The following PDE3B variants were observed in gnomAD, a reference collection of about 807,000 sequenced individuals.
PDE3B encodes phosphodiesterase 3B.
Under a neutral mutation model 116.8 loss-of-function variants are expected in PDE3B, and 66 were observed. The observed-to-expected ratio is 0.56, with a 90% CI of 0.46 to 0.69. The LOEUF (loss-of-function observed/expected upper bound fraction) is 0.69. PDE3B is among the 30% of genes least tolerant of loss of function. The pLI, the probability that PDE3B is intolerant of heterozygous loss-of-function variation, is 0.00. For missense variants in PDE3B, 1,384 were observed against 1,368.1 expected (o/e 1.01, Z -0.18); for synonymous variants, 595 against 533.6 (o/e 1.12, Z -1.59).
At chr11:14,744,980 C>CT (rs1284793326) in intron 1 of PDE3B, among the ~76,000 whole-genome samples, 1 of 151,994 alleles carries the variant, frequency 6.6e-6, no homozygotes, top group Non-Finnish European at 1.5e-5. Context: ...GTGAAAATAG[C>CT]TTTTTTGTTT....
intron 1 of PDE3B, among the ~76,000 whole-genome samples, chr11:14,747,322 G>C (rs1230633515): frequency 6.6e-6 from 1 of 152,164 alleles, no homozygotes; most frequent in African/African-American, 2.4e-5. Context: ...TTTTGTTTCA[G>C]AGTGAATGAT....
chr11:14,787,484 T>C (rs1410925450), intron 3 of PDE3B, among the ~76,000 whole-genome samples: 2 of 151,968 alleles, frequency 1.3e-5, no homozygotes, highest in African/African-American at 4.8e-5. Flanking sequence ...TTATAGAACT[T>C]AGAAATAGGT....
At chr11:14,761,194 G>A (rs941925942) in intron 1 of PDE3B, among the ~76,000 whole-genome samples, 1 of 152,064 alleles carries the variant, frequency 6.6e-6, no homozygotes, top group African/African-American at 2.4e-5. Context: ...AATTCTAGTA[G>A]TACATTCATC....
intron 1 of PDE3B, among the ~76,000 whole-genome samples, chr11:14,658,174 C>T (rs1357600760): frequency 3.3e-5 from 5 of 152,110 alleles, no homozygotes; most frequent in African/African-American, 7.2e-5. Context: ...AAGTCACTAT[C>T]CTCCTTCTAG....
intron 2 of PDE3B, among the ~76,000 whole-genome samples, chr11:14,784,917 A>T (rs1470795387): frequency 1.3e-5 from 2 of 152,124 alleles, no homozygotes; most frequent in Non-Finnish European, 2.9e-5. Context: ...TATTGAGGAA[A>T]GGTTACTTGC....
chr11:14,718,069 G>A (rs941856684), intron 1 of PDE3B, among the ~76,000 whole-genome samples: 12 of 150,182 alleles, frequency 8.0e-5, no homozygotes, highest in African/African-American at 2.9e-4. Context: ...TAAAAGGATG[G>A]AGGAAGATCT....
chr11:14,643,997 G>C lies in PDE3B; in HGVS notation c.-79G>C, dbSNP rs998303580. 145 of 1,380,280 alleles carry C rather than the reference G, an allele frequency of 1.1e-4. No individual in the cohort carries two copies. Among genetic ancestry groups the C allele is most frequent in the Non-Finnish European group, 1.3e-4 (142 of 1,075,272 alleles). 85.5% of individuals were successfully genotyped at this position (1,380,280 alleles called of 1,614,324 possible). A position where few individuals can be genotyped will look rare whatever the true frequency, so the allele number is the denominator to read the frequency against. On this transcript the variant is annotated 5_prime_UTR_variant, in exon 1 of 16. Transcript: ENST00000282096. Reference sequence around the variant, plus strand: ...ACCAGGGGGCGCCCCGAACGCGGGGGTTGGGGTCTGGGAGCGCGAGCGGCC... The same window carrying C: ...ACCAGGGGGCGCCCCGAACGCGGGGCTTGGGGTCTGGGAGCGCGAGCGGCC...
chr11:14,664,217 A>G (rs1415308561), intron 1 of PDE3B, among the ~76,000 whole-genome samples: 2 of 152,238 alleles, frequency 1.3e-5, no homozygotes, highest in East Asian at 1.9e-4. Flanking sequence ...TTTGAAACCA[A>G]CGAGAACAAA....
intron 1 of PDE3B, among the ~76,000 whole-genome samples, chr11:14,713,561 G>A (rs1565103058): frequency 6.6e-6 from 1 of 152,148 alleles, no homozygotes; most frequent in Admixed American, 6.6e-5. Context: ...TATACTGCCA[G>A]CTTTCTTGGT....
chr11:14,889,647 A>C, the PDE3B span, among the ~76,000 whole-genome samples: 2 of 152,190 alleles, frequency 1.3e-5, no homozygotes, highest in Non-Finnish European at 1.5e-5. Context: ...CCAGCAATAA[A>C]ACTATGATAG....
At chr11:14,764,113 G>C (rs1164261850) in intron 1 of PDE3B, among the ~76,000 whole-genome samples, 1 of 152,124 alleles carries the variant, frequency 6.6e-6, no homozygotes, top group Non-Finnish European at 1.5e-5. Context: ...GAAGAGGCAA[G>C]AGTGGACATG....
At chr11:14,846,300 G>C (rs1221700685) in intron 12 of PDE3B, among the ~76,000 whole-genome samples, 1 of 152,094 alleles carries the variant, frequency 6.6e-6, no homozygotes, top group Non-Finnish European at 1.5e-5. Context: ...GAGAGATTTT[G>C]TCACCACCAG....
intron 6 of PDE3B, 60 bp downstream of exon 6, chr11:14,818,453 A>G: frequency 1.8e-6 from 2 of 1,135,518 alleles, no homozygotes; most frequent in Non-Finnish European, 2.6e-6. Context: ...TTAAGTCCTC[A>G]ACATTTTGGA....
intron 14 of PDE3B, among the ~76,000 whole-genome samples, chr11:14,867,080 G>C (rs1345972186): frequency 6.7e-6 from 1 of 150,088 alleles, no homozygotes; most frequent in East Asian, 1.9e-4. Context: ...AAAAAAAAAA[G>C]GGGGTGGAGG....
At chr11:14,787,307 G>A (rs959015489) in intron 3 of PDE3B, among the ~76,000 whole-genome samples, 19 of 151,714 alleles carry the variant, frequency 1.3e-4, no homozygotes, top group African/African-American at 4.1e-4. Context: ...GCTTTTACTT[G>A]TTTTATTTGA....
intron 1 of PDE3B, among the ~76,000 whole-genome samples, chr11:14,760,435 G>C (rs1009777004): frequency 4.6e-5 from 7 of 152,164 alleles, no homozygotes; most frequent in Non-Finnish European, 8.8e-5. Context: ...ACCTCCTGGA[G>C]ACTGAAGGTG....
chr11:14,664,494 G>T (rs1172828596), intron 1 of PDE3B, among the ~76,000 whole-genome samples: 1 of 151,720 alleles, frequency 6.6e-6, no homozygotes, highest in Non-Finnish European at 1.5e-5. Flanking sequence ...TTTTTGAAAG[G>T]ATCAAGAAAA....
intron 1 of PDE3B, among the ~76,000 whole-genome samples, chr11:14,734,775 CT>C (rs1856553158): frequency 6.6e-6 from 1 of 152,004 alleles, no homozygotes; most frequent in Admixed American, 6.5e-5. Flanking sequence ...TAACATTTTG[CT>C]ATATCTCCTC....
Position 14,830,724 on chromosome 11 carries a change from G to A in PDE3B, c.1834G>A (p.Glu612Lys). Reference sequence around the variant, plus strand: ...TGAAGAAGAAAACATTTTCTCGAAAGAATCATTCAAACTTATGGAAACTCA... The same window carrying A: ...TGAAGAAGAAAACATTTTCTCGAAAAAATCATTCAAACTTATGGAAACTCA... ...SGEEENIFSK[E>K]SFKLMETQQE... Residue 612 changes from glutamate (E) to lysine (K), a missense_variant, in exon 8 of 16, where the codon GAA (glutamate) becomes AAA (lysine). By Grantham distance (56) the Glu-to-Lys change is moderately conservative (BLOSUM62 1). Coordinates refer to ENST00000282096, the MANE Select transcript of PDE3B (RefSeq NM_000922.4). The A allele has an allele frequency of 6.8e-7, 1 of 1,476,118 alleles. No individual in the cohort carries two copies. The highest frequency in any genetic ancestry group is 9.0e-7 in the Non-Finnish European group (1 of 1,111,130). 91.4% of individuals were successfully genotyped at this position (1,476,118 alleles called of 1,614,324 possible).
Sources: gnomAD v4.1 joint callset for allele counts (sites outside exome capture counted in the v4.1 genomes callset) on GRCh38, gnomAD v4.1.1 for gene constraint, MANE v1.5 for transcripts, NCBI Gene and HGNC (gene_info 2026-07-23, HGNC 2026-07-21) for gene names.